The following ME3 variants were observed in gnomAD, a reference collection of about 807,000 sequenced individuals.
ME3 encodes the protein malic enzyme 3.
Under a neutral mutation model 68.9 loss-of-function variants are expected in ME3, and 48 were observed. That is an observed-to-expected ratio of 0.70 (90% CI 0.55 to 0.89). ME3 has a LOEUF of 0.89. Among genes scored for constraint, ME3 ranks in the 40% least tolerant of loss-of-function variants. ME3 has a pLI of 0.00. For synonymous variants in ME3, 320 were observed against 318.8 expected (o/e 1.00, Z -0.04); for missense variants, 675 against 797.4 (o/e 0.85, Z 1.85).
At chr11:86,649,313 T>G (rs909804345) in intron 2 of ME3, among the ~76,000 whole-genome samples, 1 of 152,088 alleles carries the variant, frequency 6.6e-6, no homozygotes, top group Non-Finnish European at 1.5e-5. Context: ...GGGACATATC[T>G]CAAAATAATA....
chr11:86,488,101 C>T (rs545813357), intron 6 of ME3, among the ~76,000 whole-genome samples: 2 of 152,108 alleles, frequency 1.3e-5, no homozygotes, highest in South Asian at 2.1e-4. Flanking sequence ...GCTCACTTGA[C>T]CTTGGGAGGC....
At chr11:86,656,630 G>T (rs897308655) in intron 2 of ME3, among the ~76,000 whole-genome samples, 22 of 151,474 alleles carry the variant, frequency 1.5e-4, no homozygotes, top group African/African-American at 5.1e-4. Context: ...GATAGCATTA[G>T]GAGATATACC....
At position 86,603,038 on chromosome 11, in the gene ME3, G is replaced by A. The variant is rs112648244; in HGVS notation, c.184-43215C>T. 5.8e-3 allele frequency among the ~76,000 whole-genome samples: 881 copies of A among 152,282 alleles called. 4 individuals carry two copies. Among genetic ancestry groups the A allele is most frequent in the African/African-American group, 0.02 (826 of 41,540 alleles). ...GCATTACTTCAGGACATAGGCATGG[G>A]CAAGGACTTCATGTCTAAAACACCA... is the stretch of plus-strand genomic sequence containing the variant. On this transcript the variant is annotated intron_variant, in intron 2 of 14. Coordinates refer to ENST00000543262, the Ensembl canonical transcript of ME3.
intron 2 of ME3, among the ~76,000 whole-genome samples, chr11:86,618,969 G>A (rs577288929): frequency 5.9e-5 from 9 of 152,092 alleles, no homozygotes; most frequent in Non-Finnish European, 1.0e-4. Flanking sequence ...TTGGCCTCCC[G>A]AAGTGCTGGG....
intron 2 of ME3, among the ~76,000 whole-genome samples, chr11:86,653,677 T>C (rs1484924294): frequency 6.6e-6 from 1 of 151,926 alleles, no homozygotes; most frequent in Non-Finnish European, 1.5e-5. Context: ...AACATCACAA[T>C]TAAAAGAACT....
At chr11:86,524,271 C>T (rs1412471528) in intron 4 of ME3, among the ~76,000 whole-genome samples, 1 of 152,178 alleles carries the variant, frequency 6.6e-6, no homozygotes, top group African/African-American at 2.4e-5. Context: ...AATCATCAAA[C>T]CTGCGATTCT....
intron 5 of ME3, among the ~76,000 whole-genome samples, chr11:86,502,374 G>A (rs1291212028): frequency 2.0e-5 from 3 of 152,130 alleles, no homozygotes; most frequent in African/African-American, 7.2e-5. Context: ...CTTCACAGTA[G>A]CTTGAAGCTC....
chr11:86,457,774 A>G, intron 8 of ME3: 1 of 1,269,562 alleles, frequency 7.9e-7, no homozygotes, highest in Non-Finnish European at 1.0e-6. Context: ...TCATGGTAAA[A>G]GAAAAAGAAG....
chr11:86,450,367 C>G, exon 9 of ME3: 1 of 1,613,974 alleles, frequency 6.2e-7, no homozygotes, highest in African/African-American at 1.3e-5. Context: ...GCAGAGCAGC[C>G]AAGATCCCTG....
At chr11:86,553,873 C>T (rs1429280454) in intron 4 of ME3, among the ~76,000 whole-genome samples, 13 of 152,134 alleles carry the variant, frequency 8.5e-5, no homozygotes, top group Non-Finnish European at 1.5e-4. Flanking sequence ...GTGCACAGTC[C>T]GAAACTGTAA....
chr11:86,442,802 G>C lies in ME3; in HGVS notation c.1653+19C>G. ...GTTGAGCCTCACTACCCATATTACA[G>C]GGGTAGGATGCCCCTTACTTTGATG... On this transcript the variant is annotated intron_variant, in intron 14 of 14. Transcript: ENST00000543262. 6.3e-7 allele frequency: 1 copy of C among 1,578,390 alleles called. No homozygotes were observed. Among genetic ancestry groups the C allele is most frequent in the Non-Finnish European group, 8.7e-7 (1 of 1,148,050 alleles).
At chr11:86,603,374 A>C (rs1329461754) in intron 2 of ME3, among the ~76,000 whole-genome samples, 1 of 152,242 alleles carries the variant, frequency 6.6e-6, no homozygotes, top group African/African-American at 2.4e-5. Context: ...GCCATCAGAG[A>C]AATGCAAATC....
At chr11:86,598,811 A>G (rs1255524930) in intron 2 of ME3, among the ~76,000 whole-genome samples, 1 of 152,226 alleles carries the variant, frequency 6.6e-6, no homozygotes, top group Non-Finnish European at 1.5e-5. Flanking sequence ...ACAGTTCTGC[A>G]GACACCGCTG....
chr11:86,601,130 C>G (rs1257658563), intron 2 of ME3, among the ~76,000 whole-genome samples: 2 of 149,764 alleles, frequency 1.3e-5, no homozygotes, highest in African/African-American at 2.5e-5. Context: ...AATAGAGACA[C>G]AAAAAACCCT....
At chr11:86,532,167 A>G (rs1371359969) in intron 4 of ME3, among the ~76,000 whole-genome samples, 1 of 152,190 alleles carries the variant, frequency 6.6e-6, no homozygotes, top group East Asian at 1.9e-4. Flanking sequence ...CAATTCATCA[A>G]GAGGGTGTAA....
At chr11:86,520,411 T>A (rs1954188002) in intron 4 of ME3, among the ~76,000 whole-genome samples, 1 of 152,198 alleles carries the variant, frequency 6.6e-6, no homozygotes, top group Non-Finnish European at 1.5e-5. Context: ...TCATCTCTGA[T>A]CCAGAGTGGT....
downstream of ME3, among the ~76,000 whole-genome samples, chr11:86,438,590 C>T (rs1157383102): frequency 6.6e-6 from 1 of 151,996 alleles, no homozygotes; most frequent in Non-Finnish European, 1.5e-5. Flanking sequence ...AATGAAGCCA[C>T]CTGGACCTGG....
At chr11:86,470,109 C>A (rs1950703685) in intron 7 of ME3, among the ~76,000 whole-genome samples, 2 of 152,142 alleles carry the variant, frequency 1.3e-5, no homozygotes, top group Admixed American at 1.3e-4. Flanking sequence ...ATTCCAGGGG[C>A]TGCAGACCTA....
At chr11:86,537,594 G>C (rs79861724) in intron 4 of ME3, among the ~76,000 whole-genome samples, 2,474 of 152,266 alleles carry the variant, frequency 0.016, 68 homozygotes, top group African/African-American at 0.054. Flanking sequence ...ACTAGGAAAG[G>C]CAAAGCTGCA....
Sources: gnomAD v4.1 joint callset for allele counts (sites outside exome capture counted in the v4.1 genomes callset) on GRCh38, gnomAD v4.1.1 for gene constraint, MANE v1.5 for transcripts, NCBI Gene and HGNC (gene_info 2026-07-23, HGNC 2026-07-21) for gene names.